PLXNA3: variants seen among roughly 807,000 people sequenced by gnomAD.
The protein encoded by PLXNA3 is plexin-A3.
A neutral mutation model predicts 118.8 loss-of-function variants in PLXNA3; 52 were observed. The observed-to-expected ratio is 0.44, with a 90% CI of 0.35 to 0.55. PLXNA3 has a LOEUF of 0.55. Among genes scored for constraint, PLXNA3 ranks in the 20% least tolerant of loss-of-function variants. PLXNA3 has a pLI of 0.01. For synonymous variants in PLXNA3, 925 were observed against 762.4 expected (o/e 1.21, Z -3.51); for missense variants, 1,660 against 1,730.8 (o/e 0.96, Z 0.73).
rs200031701 is a variant in PLXNA3 at position 154,469,783 on chromosome X, C to T, written c.4794C>T (p.Tyr1598=). The change falls in exon 28 of 33, where the codon TAC becomes TAT. Residue 1598 remains tyrosine, a splice_region_variant and synonymous_variant. Transcript: ENST00000369682. ...SFTFTRSLSR[Y]ESLLRTASSP... is the part of the protein sequence containing the mutation. The stretch of plus-strand genomic sequence containing the variant: ...CCTTCACCCGCTCCCTCAGCCGCTA[C>T]GGTAGGTGTCCTCAGTGTGGTGGCC... The T allele has an allele frequency of 5.7e-5, 68 of 1,198,970 alleles. No homozygotes were observed. The Admixed American group carries it at 6.5e-4, about 11-fold the overall frequency.
intron 25 of PLXNA3, 32 bp downstream of exon 25, chrX:154,469,001 G>A: frequency 8.3e-7 from 1 of 1,210,232 alleles, no homozygotes; most frequent in Non-Finnish European, 1.1e-6. Context: ...CCAGAGGTAG[G>A]GGTGCAGAGA....
Position 154,465,170 on chromosome X carries a change from G to T in PLXNA3, c.2196G>T (p.Val732=), listed in dbSNP as rs782719305. ...VVRVQGRQQR[V]PAVRFNSSSV... is the part of the protein sequence containing the mutation. ...GGGTGCAGGGGCGGCAGCAGCGGGT[G>T]CCTGCCGTGCGCTTCAACAGCAGCA... Residue 732 remains valine (V), a synonymous_variant, in exon 11 of 33, where the codon GTG becomes GTT. Coordinates refer to ENST00000369682, the MANE Select transcript of PLXNA3 (RefSeq NM_017514.5). 1 of 1,209,977 alleles carries T rather than the reference G, an allele frequency of 8.3e-7. No individual in the cohort carries two copies. The highest frequency in any genetic ancestry group is 2.2e-5 in the Admixed American group (1 of 46,057).
Position 154,477,608 on chromosome X carries a change from C to A in PLXNA3, c.*4923C>A, listed in dbSNP as rs1044122759. The A allele has an allele frequency of 9.4e-6, 2 of 213,479 alleles. No individual in the cohort carries two copies. Among genetic ancestry groups the A allele is most frequent in the Non-Finnish European group, 1.7e-5 (2 of 117,512 alleles). The allele number at this position is 213,479 out of a possible 1,213,427, so 17.6% of individuals were successfully genotyped here. A position where few individuals can be genotyped will look rare whatever the true frequency, so the allele number is the denominator to read the frequency against. ...TTCCAAAATGTTGACAGTAGTTAAT[C>A]CTGAATGACAGAACCCAATTGATTT... On this transcript the variant is annotated 3_prime_UTR_variant, in exon 33 of 33. Coordinates refer to ENST00000369682, the MANE Select transcript of PLXNA3 (RefSeq NM_017514.5).
intron 15 of PLXNA3, 27 bp downstream of exon 15, chrX:154,466,297 C>T (rs782663577): frequency 2.5e-6 from 3 of 1,210,325 alleles, no homozygotes; most frequent in Non-Finnish European, 3.4e-6. Context: ...CCTACCCCTT[C>T]CTGTCCCTTC....
At chrX:154,466,957 G>T in intron 17 of PLXNA3, 100 bp from the exon 18 acceptor site, 1 of 898,431 alleles carries the variant, frequency 1.1e-6, no homozygotes, top group Middle Eastern at 3.2e-4. Context: ...GGCGATCCAG[G>T]GTCAGGGAAG....
chrX:154,471,723 G>A, intron 32 of PLXNA3, 85 bp downstream of exon 32: 1 of 951,973 alleles, frequency 1.1e-6, no homozygotes, highest in Non-Finnish European at 1.5e-6. Context: ...TGGGGGTTGG[G>A]GATTGTTCAC....
At chrX:154,470,401 C>T (rs1420302508) in intron 29 of PLXNA3, 41 bp from the exon 30 acceptor site, 1 of 1,175,388 alleles carries the variant, frequency 8.5e-7, no homozygotes, top group East Asian at 3.0e-5. Flanking sequence ...GACATCCCAA[C>T]CTGGCTCCCT....
chrX:154,469,188 C>T lies in PLXNA3; in HGVS notation c.4567C>T (p.Arg1523Cys), dbSNP rs782591705. 1.7e-6 allele frequency: 2 copies of T among 1,210,926 alleles called. No individual in the cohort carries two copies. The highest frequency in any genetic ancestry group is 2.2e-6 in the Non-Finnish European group (2 of 895,153). The stretch of plus-strand genomic sequence containing the variant: ...GTACAAGGGCATTCCGTACTCCCAG[C>T]GTCCCAAAGCTGAGGACATGGACCT... ...TVYKGIPYSQ[R>C]PKAEDMDLEW... The change falls in exon 26 of 33, where the codon CGT (arginine) becomes TGT (cysteine). Residue 1523 changes from arginine (R) to cysteine (C), a missense_variant. Arg to Cys is a radical substitution (Grantham distance 180). Around this residue, in one of 2 missense-constraint regions of PLXNA3, gnomAD observed 869 missense variants for 1,078.7 expected, o/e 0.81. Coordinates refer to ENST00000369682, the MANE Select transcript of PLXNA3 (RefSeq NM_017514.5).
chrX:154,474,475 T>C lies in PLXNA3; in HGVS notation c.*1790T>C, dbSNP rs2069221833. ...GTGAGATGGAATCTTATTTTTACTT[T>C]TTATGTTTTTTTTTTTTTCTTTGAC... On this transcript the variant is annotated 3_prime_UTR_variant, in exon 33 of 33. Coordinates refer to ENST00000369682, the MANE Select transcript of PLXNA3 (RefSeq NM_017514.5). 1 of 105,543 alleles carries C rather than the reference T, an allele frequency of 9.5e-6. No individual in the cohort carries two copies. Among genetic ancestry groups the C allele is most frequent in the Non-Finnish European group, 1.9e-5 (1 of 51,412 alleles). 8.7% of individuals were successfully genotyped at this position (105,543 alleles called of 1,213,427 possible). A position where few individuals can be genotyped will look rare whatever the true frequency, so the allele number is the denominator to read the frequency against.
chrX:154,472,548 G>T, intron 32 of PLXNA3, 42 bp from the exon 33 acceptor site: 5 of 936,769 alleles, frequency 5.3e-6, no homozygotes, highest in Non-Finnish European at 7.7e-6. Context: ...CAGGAGCTGC[G>T]CCCCCTACAG....
At position 154,477,455 on chromosome X, in the gene PLXNA3, G is replaced by C. The variant is rs187210492; in HGVS notation, c.*4770G>C. 1.9e-3 allele frequency: 220 copies of C among 113,895 alleles called. 3 individuals carry two copies. The Admixed American group carries it at 0.02, about 10-fold the overall frequency. The allele number at this position is 113,895 out of a possible 1,213,427, so 9.4% of individuals were successfully genotyped here. A position where few individuals can be genotyped will look rare whatever the true frequency, so the allele number is the denominator to read the frequency against. Reference sequence around the variant, plus strand: ...CCAGCACTTTCTTCACTGATCGTTAGAGGAAAAAAGCTCATGTTAGATTTA... The same window carrying C: ...CCAGCACTTTCTTCACTGATCGTTACAGGAAAAAAGCTCATGTTAGATTTA... On this transcript the variant is annotated 3_prime_UTR_variant, in exon 33 of 33. Coordinates refer to ENST00000369682, the MANE Select transcript of PLXNA3 (RefSeq NM_017514.5).
In PLXNA3 at chrX:154,470,171, T is replaced by G. The variant is rs201054072; in HGVS notation, c.4986+4T>G. 8.3e-7 allele frequency: 1 copy of G among 1,205,191 alleles called. No homozygotes were observed. The highest frequency in any genetic ancestry group is 1.7e-5 in the African/African-American group (1 of 57,905). On this transcript the variant is annotated splice_donor_region_variant and intron_variant, in intron 29 of 32. Transcript: ENST00000369682. ...GACACGGCTGCTGGCCACCAAGGTA[T>G]GGGCCTGCCTCTCGCCACCTTGGCC... is the stretch of plus-strand genomic sequence containing the variant.
At position 154,461,382 on chromosome X, in the gene PLXNA3, A is replaced by G; in HGVS notation, c.878A>G (p.Gln293Arg). 8.3e-7 allele frequency: 1 copy of G among 1,211,924 alleles called. No homozygotes were observed. The highest frequency in any genetic ancestry group is 1.1e-6 in the Non-Finnish European group (1 of 895,481). ...SWRGVEYRLV[Q>R]SAHLAKPGLL... ...CGCGGCGTGGAGTACCGCTTGGTGC[A>G]GAGCGCCCACCTGGCCAAGCCTGGC... The change falls in exon 3 of 33, where the codon CAG becomes CGG. Residue 293 changes from glutamine to arginine, a missense_variant. Around this residue, in one of 2 missense-constraint regions of PLXNA3, gnomAD observed 791 missense variants for 652.1 expected, o/e 1.21. Transcript: ENST00000369682.
chrX:154,465,581 T>C, intron 12 of PLXNA3, 61 bp downstream of exon 12: 1 of 1,155,111 alleles, frequency 8.7e-7, no homozygotes, highest in African/African-American at 1.8e-5. Flanking sequence ...GGGTCGGGTC[T>C]GGGGGCCCTA....
rs11557490 is a variant in PLXNA3 at position 154,469,133 on chromosome X, C to T, written c.4512C>T (p.Thr1504=). The change falls in exon 26 of 33, where the codon ACC becomes ACT. Residue 1504 remains threonine (T), a synonymous_variant. Transcript: ENST00000369682. ...PVKVLNCDSI[T]QAKDKLLDTV... The stretch of plus-strand genomic sequence containing the variant: ...AGGTTCTCAACTGTGACAGCATCAC[C>T]CAGGCCAAAGATAAGCTGCTGGACA... The T allele has an allele frequency of 1.7e-6, 2 of 1,211,116 alleles. No individual in the cohort carries two copies. The highest frequency in any genetic ancestry group is 1.7e-5 in the African/African-American group (1 of 57,952).
Position 154,474,192 on chromosome X carries a change from A to G in PLXNA3, c.*1507A>G, listed in dbSNP as rs1261910833. The G allele has an allele frequency of 9.0e-6, 1 of 111,364 alleles. No individual in the cohort carries two copies. The highest frequency in any genetic ancestry group is 1.9e-5 in the Non-Finnish European group (1 of 53,089). The allele number at this position is 111,364 out of a possible 1,213,427, so 9.2% of individuals were successfully genotyped here. On this transcript the variant is annotated 3_prime_UTR_variant, in exon 33 of 33. Coordinates refer to ENST00000369682, the MANE Select transcript of PLXNA3 (RefSeq NM_017514.5). ...GAGACAGAGTGTAGCTGTGTTGCCC[A>G]GGCTGGAGTGCAGTGGCAAGATCAC...
At chrX:154,465,280 T>C in intron 11 of PLXNA3, 62 bp downstream of exon 11, 2 of 1,077,298 alleles carry the variant, frequency 1.9e-6, no homozygotes, top group Non-Finnish European at 2.6e-6. Context: ...GGATCGTTCT[T>C]GTCTATGCCC....
At position 154,470,459 on chromosome X, in the gene PLXNA3, C is replaced by T. The variant is rs782469691; in HGVS notation, c.5004C>T (p.Phe1668=). ...CCACACAGGGCACACTGCAGAAGTT[C>T]GTGGATGACCTCTTTGAGACAGTGT... The part of the protein sequence containing the change: ...LLATKGTLQK[F]VDDLFETVFS... Residue 1668 remains phenylalanine (F), a synonymous_variant, in exon 30 of 33, where the codon TTC becomes TTT. Transcript: ENST00000369682. The T allele has an allele frequency of 9.8e-5, 118 of 1,209,235 alleles. No homozygotes were observed. Among genetic ancestry groups the T allele is most frequent in the Admixed American group, 1.7e-4 (8 of 45,890 alleles).
chrX:154,464,904 G>T (rs781848995), intron 10 of PLXNA3, 36 bp downstream of exon 10: 6 of 1,103,186 alleles, frequency 5.4e-6, no homozygotes, highest in Non-Finnish European at 7.4e-6. Flanking sequence ...GCTGGGCTCT[G>T]TGGTGCGGGC....
Sources: allele counts gnomAD v4.1 joint callset, GRCh38; gene constraint gnomAD v4.1.1; regional missense constraint gnomAD v4.1.1; transcripts MANE v1.5; gene names NCBI Gene and HGNC (gene_info 2026-07-23, HGNC 2026-07-21).